The following PSMF1 variants were observed in gnomAD, a reference collection of about 807,000 sequenced individuals.
PSMF1 encodes the protein proteasome inhibitor subunit 1, also known as proteasome inhibitor PI31 subunit.
A neutral mutation model predicts 29.3 loss-of-function variants in PSMF1; 30 were observed. That is an observed-to-expected ratio of 1.02 (90% CI 0.77 to 1.39). The LOEUF is 1.39. PSMF1 is among the 40% of genes most tolerant of loss of function. The probability of loss-of-function intolerance (pLI) is 0.00; values close to 1 mark genes in which losing one functional copy is unlikely to be tolerated. For synonymous variants in PSMF1, 134 were observed against 139.7 expected, an observed-to-expected ratio of 0.96 and a Z score of 0.29; for missense variants, 344 against 357.5, an observed-to-expected ratio of 0.96 and a Z score of 0.31.
At chr20:1,148,431 GTT>G (rs11471049) in intron 4 of PSMF1, among the ~76,000 whole-genome samples, 24,807 of 152,084 alleles carry the variant, frequency 0.16, 2,464 homozygotes, top group East Asian at 0.51. Flanking sequence ...CCTGCTCCAT[GTT>G]TTGTAAAAAA....
In PSMF1 at chr20:1,166,039, GC is replaced by G; in HGVS notation, c.*961del. 6.8e-7 allele frequency: 1 copy of G among 1,460,860 alleles called. No homozygotes were observed. Among genetic ancestry groups the G allele is most frequent in the Non-Finnish European group, 9.1e-7 (1 of 1,103,956 alleles). 90.5% of individuals were successfully genotyped at this position (1,460,860 alleles called of 1,614,324 possible). A position where few individuals can be genotyped will look rare whatever the true frequency, so the allele number is the denominator to read the frequency against. On this transcript the variant is annotated 3_prime_UTR_variant, in exon 7 of 7. Transcript: ENST00000335877. The stretch of plus-strand genomic sequence containing the variant: ...CAGAGGAAAAGAATGATGGTTCAAG[GC>G]CATACTTCCCTTGAACCTTGTGTGG...
intron 4 of PSMF1, among the ~76,000 whole-genome samples, chr20:1,145,356 A>T (rs1463859887): frequency 6.6e-6 from 1 of 152,190 alleles, no homozygotes; most frequent in African/African-American, 2.4e-5. Flanking sequence ...CTGCTCGCTC[A>T]TACCTAGTCA....
intron 4 of PSMF1, among the ~76,000 whole-genome samples, chr20:1,138,895 G>T (rs2086344488): frequency 1.3e-5 from 2 of 152,056 alleles, no homozygotes; most frequent in South Asian, 4.1e-4. Context: ...AATAGGAGGG[G>T]CCAGGCATGG....
At chr20:1,117,502 C>T (rs1220770405), upstream of PSMF1, among the ~76,000 whole-genome samples, 1 of 152,162 alleles carries the variant, frequency 6.6e-6, no homozygotes, top group Non-Finnish European at 1.5e-5. Flanking sequence ...CGCCACCACA[C>T]CCAGCTAATT....
chr20:1,157,519 A>G (rs989980984), intron 4 of PSMF1, among the ~76,000 whole-genome samples: 1 of 152,246 alleles, frequency 6.6e-6, no homozygotes, highest in African/African-American at 2.4e-5. Context: ...TTAAATGCTG[A>G]TACAAAGTCA....
At chr20:1,114,025 C>T (rs966447877), upstream of PSMF1, among the ~76,000 whole-genome samples, 5 of 152,156 alleles carry the variant, frequency 3.3e-5, no homozygotes, top group African/African-American at 7.2e-5. Context: ...GGCTTACCCC[C>T]GGTCAGGGGT....
At chr20:1,133,248 G>T (rs4553882) in intron 3 of PSMF1, among the ~76,000 whole-genome samples, 71 of 150,964 alleles carry the variant, frequency 4.7e-4, no homozygotes, top group Middle Eastern at 3.4e-3. Context: ...TCAGGTTAAA[G>T]AAGTTCCCCT....
chr20:1,133,569 A>ATATATATTT, intron 3 of PSMF1, among the ~76,000 whole-genome samples: 6 of 53,288 alleles, frequency 1.1e-4, no homozygotes, highest in Non-Finnish European at 2.7e-4. Flanking sequence ...ATATATATAT[A>ATATATATTT]TTTTTTTTTT....
intron 4 of PSMF1, among the ~76,000 whole-genome samples, chr20:1,147,161 TCATCATCATCATCATCAC>T (rs945595396): frequency 6.2e-5 from 8 of 129,300 alleles, no homozygotes; most frequent in Admixed American, 1.6e-4. Context: ...ATCATCATCA[TCATCATCATCATCATCAC>T]CACCCTGTGT....
chr20:1,135,845 T>C (rs2086299177), intron 4 of PSMF1, among the ~76,000 whole-genome samples: 1 of 152,136 alleles, frequency 6.6e-6, no homozygotes, highest in South Asian at 2.1e-4. Context: ...TTTTGCAGAT[T>C]AGGATGGCAG....
chr20:1,135,631 G>A (rs1363327153), intron 4 of PSMF1, among the ~76,000 whole-genome samples: 1 of 152,192 alleles, frequency 6.6e-6, no homozygotes, highest in East Asian at 1.9e-4. Flanking sequence ...GTAATTCACA[G>A]CTAATTCATT....
At chr20:1,129,569 T>C (rs780569718) in intron 3 of PSMF1, among the ~76,000 whole-genome samples, 3 of 152,226 alleles carry the variant, frequency 2.0e-5, no homozygotes, top group Non-Finnish European at 2.9e-5. Flanking sequence ...CACGCAGCAG[T>C]TGGACCAGTC....
rs1319855854 is a variant in PSMF1, at chr20:1,165,809, G to A, written c.*729G>A. On this transcript the variant is annotated 3_prime_UTR_variant, in exon 7 of 7. Coordinates refer to ENST00000335877, the MANE Select transcript of PSMF1 (RefSeq NM_006814.5). ...CAGTTTTGTAGGTCCATCTGTGCAT[G>A]GGCAGCAGTAGTCAAAAAGCCAAGG... is the stretch of plus-strand genomic sequence containing the variant. 2 of 1,068,842 alleles carry A rather than the reference G, an allele frequency of 1.9e-6. No individual in the cohort carries two copies. The highest frequency in any genetic ancestry group is 1.6e-5 in the African/African-American group (1 of 61,120). 66.2% of individuals were successfully genotyped at this position (1,068,842 alleles called of 1,614,324 possible). A position where few individuals can be genotyped will look rare whatever the true frequency, so the allele number is the denominator to read the frequency against.
At chr20:1,160,015 C>T (rs533232313) in intron 4 of PSMF1, among the ~76,000 whole-genome samples, 6 of 152,206 alleles carry the variant, frequency 3.9e-5, no homozygotes, top group Admixed American at 6.5e-5. Flanking sequence ...CAGGGCTCTG[C>T]GAAGATTCCA....
chr20:1,125,685 A>G, intron 2 of PSMF1, 35 bp downstream of exon 2: 1 of 1,595,986 alleles, frequency 6.3e-7, no homozygotes, highest in Non-Finnish European at 8.5e-7. Flanking sequence ...TGCTGATGAG[A>G]TGGGGATAGG....
chr20:1,143,671 A>AAG (rs1368721721), intron 4 of PSMF1, among the ~76,000 whole-genome samples: 1 of 152,236 alleles, frequency 6.6e-6, no homozygotes, highest in African/African-American at 2.4e-5. Context: ...AGACCCTGTT[A>AAG]AGAGGATAGA....
upstream of PSMF1, among the ~76,000 whole-genome samples, chr20:1,114,140 G>A (rs2085994106): frequency 6.6e-6 from 1 of 152,192 alleles, no homozygotes; most frequent in Admixed American, 6.5e-5. Flanking sequence ...CTGTGCCTGA[G>A]GGCCTTCCAG....
upstream of PSMF1, among the ~76,000 whole-genome samples, chr20:1,116,761 G>T: frequency 6.6e-6 from 1 of 151,912 alleles, no homozygotes; most frequent in East Asian, 1.9e-4. Context: ...TTCAGGTTAT[G>T]ATTAATGCTT....
chr20:1,132,969 G>GTTTTTTTTTTTTTTTTTTTTTT (rs60189289), intron 3 of PSMF1, among the ~76,000 whole-genome samples: 1 of 134,114 alleles, frequency 7.5e-6, no homozygotes. Flanking sequence ...GGGTTTTTTT[G>GTTTTTTTTTTTTTTTTTTTTTT]TTTTTTTTTT....
Sources: allele counts gnomAD v4.1 joint callset (sites outside exome capture counted in the v4.1 genomes callset), GRCh38; gene constraint gnomAD v4.1.1; transcripts MANE v1.5; gene names NCBI Gene and HGNC (gene_info 2026-07-23, HGNC 2026-07-21).